The following HMGCLL1 variants were observed in gnomAD, a reference collection of about 807,000 sequenced individuals.
HMGCLL1 encodes 3-hydroxymethyl-3-methylglutaryl-CoA lyase, cytoplasmic.
In HMGCLL1, 36 loss-of-function variants were observed where a neutral mutation model predicts 39.1. The ratio of observed to expected loss-of-function variants is 0.92; its 90% CI spans 0.71 to 1.22. HMGCLL1 has a LOEUF of 1.22. Ranked by LOEUF, HMGCLL1 falls within the 50% of genes most tolerant of loss-of-function variation. The probability of loss-of-function intolerance (pLI) is 0.00; values close to 1 mark genes in which losing one functional copy is unlikely to be tolerated. For missense variants in HMGCLL1, 451 were observed against 416.5 expected (o/e 1.08, Z -0.72); for synonymous variants, 149 against 144.0 (o/e 1.03, Z -0.25).
At chr6:55,458,883 G>T (rs563909727) in intron 7 of HMGCLL1, among the ~76,000 whole-genome samples, 8 of 152,098 alleles carry the variant, frequency 5.3e-5, no homozygotes, top group Admixed American at 3.3e-4. Flanking sequence ...TATGCTATGG[G>T]CCAAGGCTGA....
intron 1 of HMGCLL1, among the ~76,000 whole-genome samples, chr6:55,577,708 A>C (rs1771827409): frequency 6.6e-6 from 1 of 152,202 alleles, no homozygotes; most frequent in African/African-American, 2.4e-5. Context: ...AGGAAATATA[A>C]GTTAATGGTT....
intron 7 of HMGCLL1, among the ~76,000 whole-genome samples, chr6:55,456,334 A>G (rs912571905): frequency 1.3e-5 from 2 of 152,234 alleles, no homozygotes; most frequent in Non-Finnish European, 2.9e-5. Flanking sequence ...CTGAAATTCA[A>G]TGTCATCCTT....
At chr6:55,487,434 T>C (rs952137482) in intron 7 of HMGCLL1, among the ~76,000 whole-genome samples, 6 of 152,048 alleles carry the variant, frequency 3.9e-5, no homozygotes, top group Non-Finnish European at 7.4e-5. Context: ...CTCCTAAAGT[T>C]ATCCCTCCCC....
chr6:55,469,279 A>AT (rs1008541021), intron 7 of HMGCLL1, among the ~76,000 whole-genome samples: 4 of 150,288 alleles, frequency 2.7e-5, no homozygotes, highest in Admixed American at 6.7e-5. Flanking sequence ...TGGAAGTACA[A>AT]TTTTTTTTGC....
intron 3 of HMGCLL1, among the ~76,000 whole-genome samples, chr6:55,521,371 T>C (rs1768033784): frequency 6.6e-6 from 1 of 151,986 alleles, no homozygotes; most frequent in Admixed American, 6.6e-5. Flanking sequence ...ACAGCAGACC[T>C]AGCTTTATTC....
chr6:55,468,531 T>C lies in HMGCLL1; in HGVS notation c.795+26888A>G, dbSNP rs781655646. Among the ~76,000 whole-genome samples, 13 of 152,050 alleles carry C rather than the reference T, an allele frequency of 8.5e-5. No homozygotes were observed. The East Asian group carries it at 2.5e-3, about 29-fold the overall frequency. ...TGGAGTGACTGTTCTGATTCTGATA[T>C]GGAGATTAGATTGACTGTTAGCTGA... On this transcript the variant is annotated intron_variant, in intron 7 of 8. Transcript: ENST00000274901.
intron 5 of HMGCLL1, chr6:55,513,183 A>T (rs1012786593): frequency 6.6e-6 from 1 of 152,120 alleles, no homozygotes; most frequent in Non-Finnish European, 1.5e-5. Flanking sequence ...CAAAATAGTG[A>T]ACTCAGTGAC....
intron 1 of HMGCLL1, among the ~76,000 whole-genome samples, chr6:55,559,266 ATTTG>A (rs772986366): frequency 1.3e-5 from 2 of 152,278 alleles, no homozygotes; most frequent in South Asian, 4.1e-4. Flanking sequence ...ATTTGCCCAA[ATTTG>A]TTTGTTTCTA....
At chr6:55,659,071 T>G in the HMGCLL1 span, among the ~76,000 whole-genome samples, 1 of 151,838 alleles carries the variant, frequency 6.6e-6, no homozygotes, top group African/African-American at 2.4e-5. Flanking sequence ...GTTAGCACAA[T>G]ATGAAGAGAA....
the HMGCLL1 span, among the ~76,000 whole-genome samples, chr6:55,650,541 A>G: frequency 6.6e-6 from 1 of 151,824 alleles, no homozygotes; most frequent in African/African-American, 2.4e-5. Context: ...CCTTGTGGCC[A>G]CCAGTACTGG....
intron 1 of HMGCLL1, among the ~76,000 whole-genome samples, chr6:55,552,409 T>C (rs1770388535): frequency 1.3e-5 from 2 of 152,024 alleles, no homozygotes; most frequent in African/African-American, 4.8e-5. Context: ...GAAACTATTA[T>C]CTAAATTCAG....
At chr6:55,564,795 T>C (rs868436697) in intron 1 of HMGCLL1, among the ~76,000 whole-genome samples, 6 of 150,888 alleles carry the variant, frequency 4.0e-5, no homozygotes, top group South Asian at 2.1e-4. Flanking sequence ...AGAGTTTTGG[T>C]GGTGTGGCAT....
chr6:55,449,115 A>C (rs1267615979), intron 7 of HMGCLL1, among the ~76,000 whole-genome samples: 1 of 152,222 alleles, frequency 6.6e-6, no homozygotes. Flanking sequence ...GGATAAAAAC[A>C]TTGTGAAAAT....
At chr6:55,496,744 C>T (rs554804818) in intron 6 of HMGCLL1, among the ~76,000 whole-genome samples, 35 of 152,060 alleles carry the variant, frequency 2.3e-4, no homozygotes, top group Non-Finnish European at 4.3e-4. Flanking sequence ...TTGCTCAATA[C>T]GCATCATAGA....
intron 6 of HMGCLL1, among the ~76,000 whole-genome samples, chr6:55,498,006 T>A (rs1008024800): frequency 6.6e-6 from 1 of 152,118 alleles, no homozygotes; most frequent in Non-Finnish European, 1.5e-5. Flanking sequence ...ACAAAATGTA[T>A]TAGAATCACA....
intron 7 of HMGCLL1, among the ~76,000 whole-genome samples, chr6:55,450,833 G>GA (rs1561887607): frequency 6.6e-6 from 1 of 152,124 alleles, no homozygotes; most frequent in Non-Finnish European, 1.5e-5. Flanking sequence ...GAAATAAATA[G>GA]AAAAAACTGT....
intron 4 of HMGCLL1, 83 bp downstream of exon 4, chr6:55,516,425 C>T (rs1767739026): frequency 1.2e-6 from 1 of 827,866 alleles, no homozygotes; most frequent in Non-Finnish European, 2.0e-6. Context: ...AGATGAGTTA[C>T]ATATGACACA....
At chr6:55,610,682 G>C in the HMGCLL1 span, among the ~76,000 whole-genome samples, 2 of 152,038 alleles carry the variant, frequency 1.3e-5, no homozygotes, top group African/African-American at 4.8e-5. Context: ...GAAATCCAGA[G>C]GACGCAAGTA....
chr6:55,555,663 G>T (rs1770613260), intron 1 of HMGCLL1, among the ~76,000 whole-genome samples: 1 of 152,176 alleles, frequency 6.6e-6, no homozygotes, highest in African/African-American at 2.4e-5. Context: ...CTTAATAAAG[G>T]ATGTTCATAT....
Sources: allele counts gnomAD v4.1 joint callset (sites outside exome capture counted in the v4.1 genomes callset), GRCh38; gene constraint gnomAD v4.1.1; transcripts MANE v1.5; gene names NCBI Gene and HGNC (gene_info 2026-07-23, HGNC 2026-07-21).